PRKG2: variants seen among roughly 807,000 people sequenced by gnomAD.
The protein encoded by PRKG2 is cGMP-dependent protein kinase 2.
Under a neutral mutation model 97.2 loss-of-function variants are expected in PRKG2, and 33 were observed. That is an observed-to-expected ratio of 0.34 (90% CI 0.26 to 0.45). PRKG2 has a LOEUF of 0.45. Among genes scored for constraint, PRKG2 ranks in the 20% least tolerant of loss-of-function variants. PRKG2 has a pLI of 1.00. For missense variants in PRKG2, 638 were observed against 900.0 expected (o/e 0.71, Z 3.73); for synonymous variants, 330 against 321.8 (o/e 1.03, Z -0.27).
intron 9 of PRKG2, among the ~76,000 whole-genome samples, chr4:81,145,372 A>T (rs1224033179): frequency 6.6e-6 from 1 of 152,194 alleles, no homozygotes. Context: ...TAATAAAGTT[A>T]AGCTATATAT....
chr4:81,185,592 G>C (rs1228036983), intron 2 of PRKG2, among the ~76,000 whole-genome samples: 1 of 151,854 alleles, frequency 6.6e-6, no homozygotes, highest in African/African-American at 2.4e-5. Context: ...TAACCAGCTA[G>C]CATCATGACT....
At chr4:81,122,971 A>C (rs1253978527) in intron 14 of PRKG2, among the ~76,000 whole-genome samples, 1 of 152,146 alleles carries the variant, frequency 6.6e-6, no homozygotes, top group Non-Finnish European at 1.5e-5. Context: ...ATCAGTTCCC[A>C]TTTTTGCTAC....
intron 2 of PRKG2, among the ~76,000 whole-genome samples, chr4:81,183,260 T>G (rs528919356): frequency 6.6e-6 from 1 of 151,836 alleles, no homozygotes; most frequent in Admixed American, 6.6e-5. Context: ...ATGCAGAAGG[T>G]GAGTGATCTC....
At chr4:81,172,037 G>A (rs573444412) in intron 3 of PRKG2, among the ~76,000 whole-genome samples, 2 of 151,584 alleles carry the variant, frequency 1.3e-5, no homozygotes, top group East Asian at 3.9e-4. Flanking sequence ...CCTCATCAAC[G>A]ATGAGGATAA....
intron 14 of PRKG2, 81 bp downstream of exon 14, chr4:81,135,074 A>G: frequency 7.3e-7 from 1 of 1,372,682 alleles, no homozygotes; most frequent in African/African-American, 1.5e-5. Flanking sequence ...ACTAAAATTA[A>G]AAAGAAAATT....
chr4:81,150,653 G>A (rs1447872639), intron 8 of PRKG2, among the ~76,000 whole-genome samples: 1 of 151,950 alleles, frequency 6.6e-6, no homozygotes, highest in Non-Finnish European at 1.5e-5. Flanking sequence ...TTCAGGCCCA[G>A]CAAAACTGAA....
chr4:81,111,736 C>T (rs1263910166), intron 14 of PRKG2, among the ~76,000 whole-genome samples: 2 of 152,060 alleles, frequency 1.3e-5, no homozygotes, highest in Non-Finnish European at 2.9e-5. Flanking sequence ...ACAGAAGGGC[C>T]CCTCATTGAA....
intron 11 of PRKG2, among the ~76,000 whole-genome samples, chr4:81,142,351 C>T (rs1014168552): frequency 1.3e-4 from 20 of 152,154 alleles, no homozygotes; most frequent in Non-Finnish European, 2.6e-4. Context: ...AGACATGGTA[C>T]TGGAGTTGTT....
Position 81,123,421 on chromosome 4 carries a change from T to C in PRKG2, c.1776+11734A>G, listed in dbSNP as rs562436621. On this transcript the variant is annotated intron_variant, in intron 14 of 18. Coordinates refer to ENST00000264399, the MANE Select transcript of PRKG2 (RefSeq NM_006259.3). Reference sequence around the variant, plus strand: ...ATTTTTGTTTGTTTGTTTGTTTGTTTTGAGACAGAGTCTTGCTCTGTTGCC... The same window carrying C: ...ATTTTTGTTTGTTTGTTTGTTTGTTCTGAGACAGAGTCTTGCTCTGTTGCC... Among the ~76,000 whole-genome samples the C allele has an allele frequency of 1.1e-3, 162 of 152,336 alleles. 1 individual carries two copies. The highest frequency in any genetic ancestry group is 2.9e-3 in the Admixed American group (44 of 15,304).
chr4:81,121,933 T>C (rs1338010402), intron 14 of PRKG2, among the ~76,000 whole-genome samples: 1 of 152,234 alleles, frequency 6.6e-6, no homozygotes, highest in Non-Finnish European at 1.5e-5. Context: ...TGTCTTGTAT[T>C]ATATTTTCTT....
chr4:81,118,600 T>G (rs1744780177), intron 14 of PRKG2, among the ~76,000 whole-genome samples: 1 of 152,244 alleles, frequency 6.6e-6, no homozygotes, highest in Non-Finnish European at 1.5e-5. Flanking sequence ...TCTTCTGTGG[T>G]GAGGTGTCTC....
intron 16 of PRKG2, 77 bp from the exon 17 acceptor site, chr4:81,104,509 A>T (rs1215155199): frequency 1.5e-6 from 1 of 670,078 alleles, no homozygotes; most frequent in Non-Finnish European, 2.1e-6. Context: ...TTTTAAATTA[A>T]AACTTAACAT....
Position 81,204,877 on chromosome 4 carries a change from C to T in PRKG2, c.171G>A (p.Gln57=). The T allele has an allele frequency of 1.9e-6, 3 of 1,614,232 alleles. No homozygotes were observed. Among genetic ancestry groups the T allele is most frequent in the South Asian group, 1.1e-5 (1 of 91,088 alleles). ...CAATGGCCACAGTCTGCTTCGACAG[C>T]TGCTCCCGCAGCTCCTTCAAATGGT... ...REYHLKELRE[Q]LSKQTVAIAE... The change falls in exon 2 of 19, where the codon CAG becomes CAA. Residue 57 remains glutamine (Q), a synonymous_variant. Coordinates refer to ENST00000264399, the MANE Select transcript of PRKG2 (RefSeq NM_006259.3).
At chr4:81,193,022 A>C (rs981186805) in intron 2 of PRKG2, 1 of 153,042 alleles carries the variant, frequency 6.5e-6, no homozygotes, top group African/African-American at 2.4e-5. Flanking sequence ...CCGTGTTCTC[A>C]CTGTTGTTTT....
chr4:81,205,738 G>A (rs925905141), intron 1 of PRKG2, among the ~76,000 whole-genome samples: 20 of 152,102 alleles, frequency 1.3e-4, no homozygotes, highest in African/African-American at 4.6e-4. Flanking sequence ...CAAAATGTAC[G>A]ACCCATGCTG....
chr4:81,188,281 A>C (rs1327372605), intron 2 of PRKG2, among the ~76,000 whole-genome samples: 1 of 150,806 alleles, frequency 6.6e-6, no homozygotes, highest in Non-Finnish European at 1.5e-5. Flanking sequence ...AATGCTCACC[A>C]TCACTGGCCA....
intron 14 of PRKG2, among the ~76,000 whole-genome samples, chr4:81,126,225 G>A (rs1745537523): frequency 6.6e-6 from 1 of 152,154 alleles, no homozygotes; most frequent in Non-Finnish European, 1.5e-5. Context: ...TTTTATGGCT[G>A]CATAGTATTC....
intron 2 of PRKG2, among the ~76,000 whole-genome samples, chr4:81,197,065 G>A (rs910463772): frequency 1.3e-5 from 2 of 152,160 alleles, no homozygotes; most frequent in African/African-American, 4.8e-5. Flanking sequence ...AGCTGCTCAG[G>A]CTTATGGAAA....
In PRKG2 at chr4:81,174,946, T is replaced by C. The variant is rs746562652; in HGVS notation, c.475A>G (p.Ile159Val). The C allele has an allele frequency of 1.9e-6, 3 of 1,609,072 alleles. No individual in the cohort carries two copies. The East Asian group carries it at 6.7e-5, about 36-fold the overall frequency. ...TGATTTTTATTAAGGGCATCTGTAA[T>C]GAGCTTCTTCTCACTGGTATAATGG... ...VRKDSSEKKL[I>V]TDALNKNQFL... Residue 159 changes from isoleucine to valine, a missense_variant, in exon 3 of 19, where the codon ATT becomes GTT. By Grantham distance (29) the Ile-to-Val change is conservative. Around this residue, in one of 3 missense-constraint regions of PRKG2, gnomAD observed 332 missense variants for 421.7 expected, o/e 0.79. Coordinates refer to ENST00000264399, the MANE Select transcript of PRKG2 (RefSeq NM_006259.3).
Sources: gnomAD v4.1 joint callset for allele counts (sites outside exome capture counted in the v4.1 genomes callset) on GRCh38, gnomAD v4.1.1 for gene constraint, gnomAD v4.1.1 regional missense constraint, MANE v1.5 for transcripts, NCBI Gene and HGNC (gene_info 2026-07-23, HGNC 2026-07-21) for gene names.